The following EIF3B variants were observed in gnomAD, a reference collection of about 807,000 sequenced individuals.
EIF3B encodes eukaryotic translation initiation factor 3 subunit 9.
Under a neutral mutation model 104.6 loss-of-function variants are expected in EIF3B, and 10 were observed. The ratio of observed to expected loss-of-function variants is 0.10; its 90% CI spans 0.06 to 0.16. The LOEUF (loss-of-function observed/expected upper bound fraction) is 0.16, where lower values mean the gene tolerates loss of function less well. EIF3B is among the 10% of genes least tolerant of loss of function. The pLI is 1.00. For synonymous variants in EIF3B, 542 were observed against 417.2 expected (o/e 1.30, Z -3.65); for missense variants, 1,014 against 1,087.9 (o/e 0.93, Z 0.96).
chr7:2,354,562 G>A (rs890861499), upstream of EIF3B, among the ~76,000 whole-genome samples: 4 of 152,092 alleles, frequency 2.6e-5, no homozygotes, highest in Non-Finnish European at 4.4e-5. Flanking sequence ...AGCGTCCGAC[G>A]GGAAAGGAAA....
In EIF3B at chr7:2,355,272, C is replaced by T. The variant is rs746404379; in HGVS notation, c.351C>T (p.Ser117=). The part of the protein sequence containing the change: ...APGEQARDER[S]DSRAQAVSED... The stretch of plus-strand genomic sequence containing the variant: ...GAGAGCAGGCTCGGGACGAGCGCTC[C>T]GACAGCCGGGCCCAGGCGGTGTCCG... The change falls in exon 1 of 19, where the codon TCC becomes TCT. Residue 117 remains serine (S), a synonymous_variant. Coordinates refer to ENST00000360876, the MANE Select transcript of EIF3B (RefSeq NM_001037283.2). 5.2e-5 allele frequency: 80 copies of T among 1,532,744 alleles called. No homozygotes were observed. In the African/African-American group the frequency reaches 7.2e-4, roughly 14 times the overall value. 94.9% of individuals were successfully genotyped at this position (1,532,744 alleles called of 1,614,324 possible).
chr7:2,370,164 A>T (rs990077050), intron 10 of EIF3B, among the ~76,000 whole-genome samples: 1 of 152,116 alleles, frequency 6.6e-6, no homozygotes, highest in African/African-American at 2.4e-5. Flanking sequence ...TGATCATTTA[A>T]TATTTATTTT....
chr7:2,377,303 C>G (rs956194747), intron 15 of EIF3B, among the ~76,000 whole-genome samples: 1 of 152,134 alleles, frequency 6.6e-6, no homozygotes, highest in Non-Finnish European at 1.5e-5. Context: ...TGCATGAACC[C>G]GAGGGGTGGA....
chr7:2,372,931 C>A (rs1548596), intron 12 of EIF3B, 136 bp downstream of exon 12: 3 of 968,370 alleles, frequency 3.1e-6, no homozygotes, highest in East Asian at 2.8e-5. Flanking sequence ...TGGGGTGTGG[C>A]CTCGGCTGAT....
At chr7:2,365,446 T>C (rs969678391) in intron 6 of EIF3B, among the ~76,000 whole-genome samples, 2 of 152,146 alleles carry the variant, frequency 1.3e-5, no homozygotes, top group Non-Finnish European at 2.9e-5. Context: ...CTGGGGCCGC[T>C]CTGTTTTCGC....
Position 2,355,383 on chromosome 7 carries a change from C to G in EIF3B, c.462C>G (p.Ser154Arg). The change falls in exon 1 of 19, where the codon AGC becomes AGG. Residue 154 changes from serine to arginine, a missense_variant. This residue lies in a region of EIF3B where 488 missense variants were observed against 404.3 expected (regional missense o/e 1.21). Coordinates refer to ENST00000360876, the MANE Select transcript of EIF3B (RefSeq NM_001037283.2). Reference sequence around the variant, plus strand: ...GCGACGCGGACGAGCCCTCCTTCAGCGACCCCGAGGACTTCGTGGACGACG... The same window carrying G: ...GCGACGCGGACGAGCCCTCCTTCAGGGACCCCGAGGACTTCGTGGACGACG... ...ENGDADEPSF[S>R]DPEDFVDDVS... 6.6e-7 allele frequency: 1 copy of G among 1,524,866 alleles called. No homozygotes were observed. The highest frequency in any genetic ancestry group is 8.8e-7 in the Non-Finnish European group (1 of 1,141,616). 94.5% of individuals were successfully genotyped at this position (1,524,866 alleles called of 1,614,324 possible).
At chr7:2,357,947 C>T (rs1443949659) in intron 1 of EIF3B, among the ~76,000 whole-genome samples, 3 of 152,138 alleles carry the variant, frequency 2.0e-5, no homozygotes, top group African/African-American at 4.8e-5. Context: ...TTAGAAGTTA[C>T]CCTAGGATTT....
rs566694417 is a variant in EIF3B at position 2,374,352 on chromosome 7, A to G, written c.1811-176A>G. ...CTTTTTTTTCCCATTTAAAGTATGG[A>G]TCATGACTTAGGGGGTACTTGGCGA... On this transcript the variant is annotated intron_variant, in intron 12 of 18. Transcript: ENST00000360876. 3.1e-4 allele frequency: 177 copies of G among 573,394 alleles called. 4 individuals are homozygous for G. In the South Asian group the frequency reaches 4.1e-3, roughly 13 times the overall value. 35.5% of individuals were successfully genotyped at this position (573,394 alleles called of 1,614,324 possible).
chr7:2,362,725 A>G lies in EIF3B; in HGVS notation c.773A>G (p.Gln258Arg), dbSNP rs1779802933. ...KNADGYKLDK[Q>R]HTFRVNLFTD... is the part of the protein sequence containing the mutation. The stretch of plus-strand genomic sequence containing the variant: ...GCCGACGGCTACAAGCTTGACAAGC[A>G]GCACACATTCCGGGTCAACCTCTTT... The change falls in exon 3 of 19, where the codon CAG becomes CGG. Residue 258 changes from glutamine to arginine, a missense_variant. By Grantham distance (43) the Gln-to-Arg change is conservative. Around this residue, in one of 4 missense-constraint regions of EIF3B, gnomAD observed 488 missense variants for 404.3 expected, o/e 1.21. Transcript: ENST00000360876. 6.2e-7 allele frequency: 1 copy of G among 1,614,254 alleles called. No individual in the cohort carries two copies.
intron 8 of EIF3B, 63 bp downstream of exon 8, chr7:2,366,654 C>G: frequency 2.5e-6 from 4 of 1,574,284 alleles, no homozygotes; most frequent in Non-Finnish European, 3.5e-6. Context: ...GGGTGTGGTG[C>G]CTTTCCTTAT....
chr7:2,372,927 G>T lies in EIF3B; in HGVS notation c.1810+132G>T, dbSNP rs929892347. The T allele has an allele frequency of 8.7e-6, 9 of 1,033,512 alleles. 1 individual carries two copies. In the African/African-American group the frequency reaches 1.1e-4, roughly 13 times the overall value. 64.0% of individuals were successfully genotyped at this position (1,033,512 alleles called of 1,614,324 possible). A position where few individuals can be genotyped will look rare whatever the true frequency, so the allele number is the denominator to read the frequency against. ...GCCGGGACTCGCCTATGAATGGGGT[G>T]TGGCCTCGGCTGATGGAAGTGAGCG... is the stretch of plus-strand genomic sequence containing the variant. On this transcript the variant is annotated intron_variant, in intron 12 of 18. Coordinates refer to ENST00000360876, the MANE Select transcript of EIF3B (RefSeq NM_001037283.2).
intron 2 of EIF3B, 136 bp from the exon 3 acceptor site, chr7:2,362,509 C>T: frequency 9.0e-7 from 1 of 1,114,100 alleles, no homozygotes; most frequent in Non-Finnish European, 1.3e-6. Context: ...GTGTGACTGC[C>T]TTAGGCTCGA....
At chr7:2,375,310 T>A in intron 13 of EIF3B, 79 bp from the exon 14 acceptor site, 1 of 1,586,274 alleles carries the variant, frequency 6.3e-7, no homozygotes, top group Non-Finnish European at 8.6e-7. Flanking sequence ...GGGGACCCCA[T>A]GCCGCAGCAC....
At chr7:2,375,185 C>T (rs1780565897) in intron 13 of EIF3B, 3 of 555,926 alleles carry the variant, frequency 5.4e-6, no homozygotes, top group East Asian at 2.8e-5. Context: ...AATATGATGG[C>T]AGTCATATGT....
intron 2 of EIF3B, 70 bp downstream of exon 2, chr7:2,360,972 A>T (rs1459509122): frequency 6.1e-6 from 8 of 1,319,124 alleles, no homozygotes; most frequent in Non-Finnish European, 7.4e-6. Flanking sequence ...GTTGCAGGAG[A>T]TCCTTACTAA....
At chr7:2,378,396 T>C in intron 15 of EIF3B, 1 of 312,912 alleles carries the variant, frequency 3.2e-6, no homozygotes. Context: ...TGCTGTGTTG[T>C]GTGAATGACC....
At chr7:2,375,720 G>A (rs1018804908) in intron 14 of EIF3B, among the ~76,000 whole-genome samples, 193 bp downstream of exon 14, 4 of 152,152 alleles carry the variant, frequency 2.6e-5, no homozygotes, top group African/African-American at 7.2e-5. Context: ...GAGTGCAGGA[G>A]CAGCCCCTGC....
At chr7:2,378,971 G>T in intron 16 of EIF3B, 163 bp from the exon 17 acceptor site, 1 of 747,014 alleles carries the variant, frequency 1.3e-6, no homozygotes, top group Non-Finnish European at 2.2e-6. Flanking sequence ...CCTTGTGGGT[G>T]GGGGGCAGCG....
intron 2 of EIF3B, among the ~76,000 whole-genome samples, chr7:2,362,064 A>G (rs1482273787): frequency 3.3e-5 from 5 of 152,132 alleles, no homozygotes; most frequent in Non-Finnish European, 7.4e-5. Flanking sequence ...GGCTCAAGCA[A>G]TTCTCCTGCC....
Sources: gnomAD v4.1 joint callset for allele counts (sites outside exome capture counted in the v4.1 genomes callset) on GRCh38, gnomAD v4.1.1 for gene constraint, gnomAD v4.1.1 regional missense constraint, MANE v1.5 for transcripts, NCBI Gene and HGNC (gene_info 2026-07-23, HGNC 2026-07-21) for gene names.